The following VPS13B variants were observed in gnomAD, a reference collection of about 807,000 sequenced individuals.
The protein encoded by VPS13B is vacuolar protein sorting 13 homolog B, also known as intermembrane lipid transfer protein VPS13B.
A neutral mutation model predicts 426.4 loss-of-function variants in VPS13B; 285 were observed. The observed-to-expected ratio is 0.67, with a 90% CI of 0.61 to 0.74. The LOEUF (loss-of-function observed/expected upper bound fraction) is 0.74, where lower values mean the gene tolerates loss of function less well. Ranked by LOEUF, VPS13B falls within the 30% of genes least tolerant of loss-of-function variation. The pLI is 0.00. For missense variants in VPS13B, 4,537 were observed against 4,782.6 expected (o/e 0.95, Z 1.51); for synonymous variants, 1,676 against 1,676.4 (o/e 1.00, Z 0.01).
chr8:99,777,797 T>C (rs1331950513), intron 41 of VPS13B, among the ~76,000 whole-genome samples: 1 of 152,228 alleles, frequency 6.6e-6, no homozygotes, highest in Non-Finnish European at 1.5e-5. Context: ...AAGTGGCCTT[T>C]TATAAGCTTA....
At chr8:99,497,434 C>A (rs1820986787) in intron 25 of VPS13B, among the ~76,000 whole-genome samples, 1 of 145,064 alleles carries the variant, frequency 6.9e-6, no homozygotes. Flanking sequence ...ATTTACTCTA[C>A]CTAAAGTAAG....
rs529848007 is a variant in VPS13B, at chr8:99,207,931, A to G, written c.2515+14874A>G. Among the ~76,000 whole-genome samples the G allele has an allele frequency of 2.1e-3, 327 of 152,358 alleles. 1 individual carries two copies. Among genetic ancestry groups the G allele is most frequent in the African/African-American group, 7.6e-3 (315 of 41,580 alleles). ...ACATGATTTTAGTAATGAATGTAGA[A>G]TCTTCTGTGTCACCTATTACAAGAT... On this transcript the variant is annotated intron_variant, in intron 17 of 61. Coordinates refer to ENST00000357162, the MANE Select transcript of VPS13B (RefSeq NM_152564.5).
intron 17 of VPS13B, among the ~76,000 whole-genome samples, chr8:99,273,842 A>G (rs934364098): frequency 3.9e-5 from 6 of 152,078 alleles, no homozygotes; most frequent in Admixed American, 1.3e-4. Context: ...ATTAAACTTG[A>G]CTTTATAAGT....
At chr8:99,352,860 A>G (rs1811968601) in intron 19 of VPS13B, among the ~76,000 whole-genome samples, 2 of 151,286 alleles carry the variant, frequency 1.3e-5, no homozygotes, top group African/African-American at 4.8e-5. Flanking sequence ...TTTTTTTTGG[A>G]ATGTCTTTTC....
intron 30 of VPS13B, among the ~76,000 whole-genome samples, chr8:99,543,881 C>A (rs1334949826): frequency 2.8e-5 from 4 of 145,358 alleles, no homozygotes; most frequent in South Asian, 4.6e-4. Context: ...TAAACTAGTT[C>A]AACCATTGTG....
Position 99,180,303 on chromosome 8 carries a change from CAG to C in VPS13B, c.2333+10144_2333+10145del, listed in dbSNP as rs1247585421. On this transcript the variant is annotated intron_variant, in intron 16 of 61. Coordinates refer to ENST00000357162, the MANE Select transcript of VPS13B (RefSeq NM_152564.5). ...AGTATAGTATATAGGCCATTCCCTCCAGAGACTTACAACTCATGCTGCAACTC... is the reference window on the plus strand; with the variant it reads ...AGTATAGTATATAGGCCATTCCCTCCAGACTTACAACTCATGCTGCAACTC... 2.8e-4 allele frequency among the ~76,000 whole-genome samples: 42 copies of C among 152,138 alleles called. 1 individual carries two copies. Among genetic ancestry groups the C allele is most frequent in the Admixed American group, 2.5e-3 (38 of 15,276 alleles).
chr8:99,440,958 A>G (rs907732878), intron 22 of VPS13B, among the ~76,000 whole-genome samples: 4 of 152,076 alleles, frequency 2.6e-5, no homozygotes, highest in Non-Finnish European at 5.9e-5. Context: ...AAATTGTGCA[A>G]CTGAAAATTA....
In VPS13B at chr8:99,344,728, GT is replaced by G. The variant is rs532135431; in HGVS notation, c.2825-39478del. On this transcript the variant is annotated intron_variant, in intron 19 of 61. Coordinates refer to ENST00000357162, the MANE Select transcript of VPS13B (RefSeq NM_152564.5). Reference sequence around the variant, plus strand: ...TCAGATGTTCCTCTTTTTTTTTCCAGTTAGTTTTTTTCTTCTCATTGGTTTG... The same window carrying G: ...TCAGATGTTCCTCTTTTTTTTTCCAGTAGTTTTTTTCTTCTCATTGGTTTG... Among the ~76,000 whole-genome samples the G allele has an allele frequency of 2.9e-3, 440 of 151,120 alleles. 4 individuals carry two copies. The highest frequency in any genetic ancestry group is 0.01 in the African/African-American group (414 of 41,260).
intron 19 of VPS13B, among the ~76,000 whole-genome samples, chr8:99,361,913 A>C (rs1311213728): frequency 1.3e-5 from 2 of 152,160 alleles, no homozygotes; most frequent in African/African-American, 4.8e-5. Context: ...ACAACCCTAC[A>C]AGTTACGTGG....
chr8:99,503,546 G>C (rs1821346576), intron 27 of VPS13B, among the ~76,000 whole-genome samples: 1 of 152,162 alleles, frequency 6.6e-6, no homozygotes, highest in Admixed American at 6.5e-5. Context: ...TGCTGCTGCT[G>C]TAAAAAATGA....
chr8:99,763,163 A>AAAAAAAAAAAAAAAAAG (rs1563905521), intron 39 of VPS13B, among the ~76,000 whole-genome samples: 1 of 146,880 alleles, frequency 6.8e-6, no homozygotes, highest in African/African-American at 2.5e-5. Flanking sequence ...AAAAAAAAAA[A>AAAAAAAAAAAAAAAAAG]AAGAAGAGAA....
At chr8:99,117,928 CTATT>C (rs1008289053) in intron 7 of VPS13B, among the ~76,000 whole-genome samples, 10 of 151,908 alleles carry the variant, frequency 6.6e-5, no homozygotes, top group African/African-American at 2.4e-4. Flanking sequence ...GAATTTTATG[CTATT>C]TAAACTTTAT....
chr8:99,340,592 A>G, intron 19 of VPS13B: 1 of 449,792 alleles, frequency 2.2e-6, no homozygotes, highest in South Asian at 1.8e-5. Context: ...CCACGAGAGG[A>G]CCTCATTTAT....
chr8:99,703,407 A>G (rs975644399), intron 36 of VPS13B, among the ~76,000 whole-genome samples: 1 of 152,120 alleles, frequency 6.6e-6, no homozygotes, highest in African/African-American at 2.4e-5. Context: ...ATGTTCTCTC[A>G]TGAATCTTTG....
intron 35 of VPS13B, among the ~76,000 whole-genome samples, chr8:99,665,340 A>G (rs1348010613): frequency 6.6e-6 from 1 of 152,006 alleles, no homozygotes; most frequent in Non-Finnish European, 1.5e-5. Context: ...CCATTTGTCA[A>G]TTTTGGCTTT....
chr8:99,870,936 A>C, intron 60 of VPS13B, 49 bp downstream of exon 60: 2 of 1,578,480 alleles, frequency 1.3e-6, no homozygotes, highest in Non-Finnish European at 1.7e-6. Context: ...ATTGTATGTT[A>C]ATAGCTCCTG....
At chr8:99,196,443 AG>A (rs1813932128) in intron 17 of VPS13B, among the ~76,000 whole-genome samples, 2 of 148,696 alleles carry the variant, frequency 1.3e-5, no homozygotes. Flanking sequence ...CAGTTCTAAA[AG>A]TTTTTGGATG....
At chr8:99,123,694 G>T (rs1302129317) in intron 8 of VPS13B, among the ~76,000 whole-genome samples, 2 of 151,974 alleles carry the variant, frequency 1.3e-5, no homozygotes, top group Admixed American at 1.3e-4. Context: ...TTGTGTTTTG[G>T]ATGTGTTTTG....
intron 28 of VPS13B, chr8:99,508,057 C>A: frequency 1.5e-6 from 2 of 1,325,816 alleles, no homozygotes; most frequent in Non-Finnish European, 2.1e-6. Context: ...AATTTAAAAT[C>A]ATAAAACTGC....
Sources: gnomAD v4.1 joint callset for allele counts (sites outside exome capture counted in the v4.1 genomes callset) on GRCh38, gnomAD v4.1.1 for gene constraint, MANE v1.5 for transcripts, NCBI Gene and HGNC (gene_info 2026-07-23, HGNC 2026-07-21) for gene names.